The following ANO4 variants were observed in gnomAD, a reference collection of about 807,000 sequenced individuals.
ANO4 encodes the protein anoctamin-4.
ANO4 carries 69 observed loss-of-function variants against 141.9 expected under a neutral mutation model. That is an observed-to-expected ratio of 0.49 (90% CI 0.40 to 0.59). The LOEUF (loss-of-function observed/expected upper bound fraction) is 0.59, where lower values mean the gene tolerates loss of function less well. Ranked by LOEUF, ANO4 falls within the 20% of genes least tolerant of loss-of-function variation. The pLI is 0.00. For synonymous variants in ANO4, 350 were observed against 394.3 expected, an observed-to-expected ratio of 0.89 and a Z score of 1.33; for missense variants, 894 against 1,162.2, an observed-to-expected ratio of 0.77 and a Z score of 3.36.
At chr12:101,033,430 C>T (rs1194428918) in intron 9 of ANO4, among the ~76,000 whole-genome samples, 2 of 151,904 alleles carry the variant, frequency 1.3e-5, no homozygotes, top group African/African-American at 4.8e-5. Flanking sequence ...AACTGACCTG[C>T]ACAATGTGCA....
chr12:101,001,051 A>T (rs1043037107), intron 8 of ANO4, among the ~76,000 whole-genome samples: 2 of 152,186 alleles, frequency 1.3e-5, no homozygotes, highest in African/African-American at 4.8e-5. Context: ...GTGCATGTAT[A>T]TTTATGTGTG....
intron 9 of ANO4, among the ~76,000 whole-genome samples, chr12:101,025,213 A>G (rs1318918697): frequency 6.6e-6 from 1 of 152,256 alleles, no homozygotes. Context: ...ACTATTTTCA[A>G]GACACTGAAT....
upstream of ANO4, among the ~76,000 whole-genome samples, chr12:100,790,218 A>G (rs527473682): frequency 6.6e-6 from 1 of 152,306 alleles, no homozygotes; most frequent in African/African-American, 2.4e-5. Context: ...TTATGCTGGA[A>G]ATGTAGACTG....
intron 3 of ANO4, among the ~76,000 whole-genome samples, chr12:100,752,388 GA>G (rs985582019): frequency 6.6e-6 from 1 of 151,208 alleles, no homozygotes; most frequent in Non-Finnish European, 1.5e-5. Flanking sequence ...ACACAAACCT[GA>G]AAAAAAATTT....
chr12:100,765,744 A>T (rs1204859574), intron 3 of ANO4, among the ~76,000 whole-genome samples: 1 of 151,042 alleles, frequency 6.6e-6, no homozygotes, highest in East Asian at 1.9e-4. Context: ...AAATTTAATT[A>T]ATTAGATTTT....
chr12:100,793,880 A>T (rs1403498275), upstream of ANO4, among the ~76,000 whole-genome samples: 1 of 152,172 alleles, frequency 6.6e-6, no homozygotes, highest in Non-Finnish European at 1.5e-5. Flanking sequence ...TCCTCCACGC[A>T]TCCTTCATTT....
chr12:101,126,464 T>TAAAC (rs1230606022), intron 26 of ANO4, among the ~76,000 whole-genome samples: 1 of 152,204 alleles, frequency 6.6e-6, no homozygotes, highest in African/African-American at 2.4e-5. Context: ...AAGGCATTTT[T>TAAAC]AAACATTTTC....
intron 9 of ANO4, among the ~76,000 whole-genome samples, chr12:101,025,095 T>A (rs1010916104): frequency 1.3e-5 from 2 of 152,160 alleles, no homozygotes; most frequent in Non-Finnish European, 2.9e-5. Flanking sequence ...GCTTTAAAGA[T>A]CAACATGTTA....
At position 100,955,661 on chromosome 12, in the gene ANO4, C is replaced by T. The variant is rs150827069; in HGVS notation, c.456+13126C>T. On this transcript the variant is annotated intron_variant, in intron 5 of 27. Coordinates refer to ENST00000392977, the MANE Select transcript of ANO4 (RefSeq NM_001286615.2). ...CAATATGCTCAGCGTATTTGAGGAG[C>T]TCACTAACTAGCAATGAAGGCAGAT... 7.2e-5 allele frequency among the ~76,000 whole-genome samples: 11 copies of T among 152,250 alleles called. No homozygotes were observed. In the East Asian group the frequency reaches 2.1e-3, roughly 29 times the overall value.
chr12:101,091,259 G>A (rs1051823622), intron 17 of ANO4, among the ~76,000 whole-genome samples: 4 of 152,086 alleles, frequency 2.6e-5, no homozygotes, highest in African/African-American at 9.7e-5. Flanking sequence ...CAAAGAGAGG[G>A]AAAGAAAAGA....
At chr12:100,953,153 A>C (rs1404782132) in intron 5 of ANO4, among the ~76,000 whole-genome samples, 1 of 152,214 alleles carries the variant, frequency 6.6e-6, no homozygotes, top group South Asian at 2.1e-4. Context: ...TGGGCATTGT[A>C]TTATATTTAT....
At chr12:101,121,943 G>C (rs1259816840) in intron 26 of ANO4, among the ~76,000 whole-genome samples, 2 of 151,900 alleles carry the variant, frequency 1.3e-5, no homozygotes, top group Admixed American at 1.3e-4. Context: ...TGTATTTTTA[G>C]TGGAGACGGG....
chr12:100,754,135 ACT>A (rs2032508069), intron 3 of ANO4, among the ~76,000 whole-genome samples: 1 of 152,064 alleles, frequency 6.6e-6, no homozygotes, highest in African/African-American at 2.4e-5. Flanking sequence ...CTAAGACATG[ACT>A]CTCTCTTTTA....
At chr12:100,958,034 G>A (rs7956062) in intron 5 of ANO4, among the ~76,000 whole-genome samples, 4,416 of 152,158 alleles carry the variant, frequency 0.029, 215 homozygotes, top group African/African-American at 0.1. Flanking sequence ...ATTATTTCAT[G>A]TCCCTCATTA....
chr12:100,743,713 C>T (rs1483138413), intron 3 of ANO4, among the ~76,000 whole-genome samples: 2 of 152,044 alleles, frequency 1.3e-5, no homozygotes, highest in Non-Finnish European at 2.9e-5. Context: ...ACTTTATTTC[C>T]TTCCAATTTT....
chr12:101,125,504 G>A (rs552148953), intron 26 of ANO4, among the ~76,000 whole-genome samples: 3 of 152,224 alleles, frequency 2.0e-5, no homozygotes, highest in East Asian at 1.9e-4. Context: ...CCAATACTGC[G>A]TTGAAAAGGA....
At chr12:101,102,018 A>G (rs1020954421) in intron 22 of ANO4, among the ~76,000 whole-genome samples, 3 of 152,080 alleles carry the variant, frequency 2.0e-5, no homozygotes, top group Non-Finnish European at 4.4e-5. Flanking sequence ...TGGGAGGCAG[A>G]GGTTGCAGTG....
At chr12:100,955,620 A>C (rs1432332825) in intron 5 of ANO4, among the ~76,000 whole-genome samples, 1 of 152,164 alleles carries the variant, frequency 6.6e-6, no homozygotes, top group African/African-American at 2.4e-5. Context: ...CCATCTTTGG[A>C]AAATATAAGC....
At chr12:101,091,774 A>G (rs1267279138) in intron 17 of ANO4, among the ~76,000 whole-genome samples, 2 of 152,108 alleles carry the variant, frequency 1.3e-5, no homozygotes, top group African/African-American at 4.8e-5. Flanking sequence ...AATAATTATT[A>G]TAAATCACAT....
Sources: allele counts gnomAD v4.1 joint callset (sites outside exome capture counted in the v4.1 genomes callset), GRCh38; gene constraint gnomAD v4.1.1; transcripts MANE v1.5; gene names NCBI Gene and HGNC (gene_info 2026-07-23, HGNC 2026-07-21).